Variants in PCNX2 observed in about 807,000 individuals in gnomAD.
PCNX2 encodes pecanex-like protein 2.
A neutral mutation model predicts 223.8 loss-of-function variants in PCNX2; 168 were observed. That is an observed-to-expected ratio of 0.75 (90% CI 0.66 to 0.85). The LOEUF (loss-of-function observed/expected upper bound fraction) is 0.85, where lower values mean the gene tolerates loss of function less well. Among genes scored for constraint, PCNX2 ranks in the 40% least tolerant of loss-of-function variants. The probability of loss-of-function intolerance (pLI) is 0.00; values close to 1 mark genes in which losing one functional copy is unlikely to be tolerated. For synonymous variants in PCNX2, 1,006 were observed against 1,052.6 expected (o/e 0.96, Z 0.86); for missense variants, 2,507 against 2,675.5 (o/e 0.94, Z 1.39).
chr1:232,985,739 G>C (rs147786863), intron 33 of PCNX2: 1 of 548,822 alleles, frequency 1.8e-6, no homozygotes, highest in Non-Finnish European at 3.2e-6. Flanking sequence ...CCTCAGGCCA[G>C]AATCATGTGA....
intron 1 of PCNX2, among the ~76,000 whole-genome samples, chr1:233,272,520 A>G (rs948167638): frequency 2.6e-5 from 4 of 152,206 alleles, no homozygotes; most frequent in African/African-American, 9.7e-5. Flanking sequence ...TGCAGTGAAA[A>G]GGGAACACTT....
intron 26 of PCNX2, chr1:233,019,250 C>T: frequency 1.0e-6 from 1 of 962,054 alleles, no homozygotes; most frequent in Non-Finnish European, 1.2e-6. Context: ...CTTTTGGACA[C>T]ACCTTCTATT....
Position 233,289,437 on chromosome 1 carries a change from G to A in PCNX2, c.153+5889C>T, listed in dbSNP as rs6699529. On this transcript the variant is annotated intron_variant, in intron 1 of 33. Coordinates refer to ENST00000258229, the MANE Select transcript of PCNX2 (RefSeq NM_014801.4). ...ATTAGGCTTCACGATCTTGGCGCTC[G>A]TACTGAACATGGCCTTCTCCTGGGA... 3,774 of 1,398,948 alleles carry A rather than the reference G, an allele frequency of 2.7e-3. 57 individuals carry two copies. The African/African-American group carries it at 0.033, about 12-fold the overall frequency. The allele number at this position is 1,398,948 out of a possible 1,614,324, so 86.7% of individuals were successfully genotyped here.
chr1:233,093,170 G>A (rs1048490807), intron 22 of PCNX2, among the ~76,000 whole-genome samples: 1 of 152,188 alleles, frequency 6.6e-6, no homozygotes, highest in Admixed American at 6.5e-5. Context: ...GTAGAAAGCA[G>A]CCCTCCCAAT....
chr1:232,986,537 C>A lies in PCNX2; in HGVS notation c.5795G>T (p.Arg1932Met). The change falls in exon 33 of 34, where the codon AGG becomes ATG. Residue 1932 changes from arginine to methionine, a missense_variant. Physicochemically the swap from Arg to Met is moderately conservative, Grantham distance 91 (BLOSUM62 -1). This residue lies in a region of PCNX2 where 1,372 missense variants were observed against 1,509.4 expected (regional missense o/e 0.91). Coordinates refer to ENST00000258229, the MANE Select transcript of PCNX2 (RefSeq NM_014801.4). ...SSCEGTQRTG[R>M]RKGRSQSVQA... is the part of the protein sequence containing the mutation. ...CACGGACTGGCTCCTGCCTTTCCTC[C>A]TGCCTTTAAAAGAAAGCAGAACACA... 2 of 1,520,880 alleles carry A rather than the reference C, an allele frequency of 1.3e-6. No homozygotes were observed. The highest frequency in any genetic ancestry group is 1.8e-4 in the Middle Eastern group (1 of 5,600). The allele number at this position is 1,520,880 out of a possible 1,614,324, so 94.2% of individuals were successfully genotyped here. A position where few individuals can be genotyped will look rare whatever the true frequency, so the allele number is the denominator to read the frequency against.
intron 25 of PCNX2, among the ~76,000 whole-genome samples, chr1:233,030,358 C>T (rs1277149522): frequency 1.3e-5 from 2 of 151,984 alleles, no homozygotes; most frequent in Non-Finnish European, 2.9e-5. Flanking sequence ...ATAGTATTAC[C>T]TGGTGGAAAC....
chr1:233,124,651 C>A (rs887870794), intron 21 of PCNX2, among the ~76,000 whole-genome samples: 18 of 152,290 alleles, frequency 1.2e-4, no homozygotes, highest in African/African-American at 4.3e-4. Flanking sequence ...CATGGTTTTC[C>A]TGGTTGGGAA....
In PCNX2 at chr1:233,252,349, C is replaced by G. The variant is rs1468112552; in HGVS notation, c.2128+5G>C. 2 of 1,601,844 alleles carry G rather than the reference C, an allele frequency of 1.2e-6. No individual in the cohort carries two copies. The highest frequency in any genetic ancestry group is 4.5e-5 in the East Asian group (2 of 44,652). On this transcript the variant is annotated splice_donor_5th_base_variant and intron_variant, in intron 7 of 33. Coordinates refer to ENST00000258229, the MANE Select transcript of PCNX2 (RefSeq NM_014801.4). The stretch of plus-strand genomic sequence containing the variant: ...GTTCATTAGTAAAGAGCTCCAAAGA[C>G]TCACCATGTTCATCAATGAAGACAT...
intron 19 of PCNX2, among the ~76,000 whole-genome samples, chr1:233,156,725 C>T (rs113736501): frequency 0.058 from 8,784 of 152,164 alleles, 500 homozygotes; most frequent in East Asian, 0.31. Flanking sequence ...CAAGACCAGA[C>T]TGGCCAACAT....
At chr1:233,257,515 A>G (rs1411459290) in intron 5 of PCNX2, among the ~76,000 whole-genome samples, 1 of 152,208 alleles carries the variant, frequency 6.6e-6, no homozygotes, top group African/African-American at 2.4e-5. Context: ...TAATACATGC[A>G]AAGTGCTTAG....
chr1:233,282,812 T>C (rs1284456197), intron 1 of PCNX2, among the ~76,000 whole-genome samples: 1 of 152,226 alleles, frequency 6.6e-6, no homozygotes, highest in African/African-American at 2.4e-5. Flanking sequence ...TTGTGAACTC[T>C]GTTAATGTTT....
chr1:233,014,182 G>A (rs1206580497), intron 28 of PCNX2, among the ~76,000 whole-genome samples: 5 of 152,190 alleles, frequency 3.3e-5, no homozygotes, highest in African/African-American at 9.7e-5. Flanking sequence ...AGACCCAGTA[G>A]AGAAAGGGTT....
chr1:233,277,920 C>G (rs1660997237), intron 1 of PCNX2, among the ~76,000 whole-genome samples: 1 of 152,114 alleles, frequency 6.6e-6, no homozygotes, highest in Non-Finnish European at 1.5e-5. Context: ...CAATGAATGA[C>G]TACTGAAAGA....
At chr1:233,197,096 G>A (rs898382090) in intron 15 of PCNX2, among the ~76,000 whole-genome samples, 5 of 152,114 alleles carry the variant, frequency 3.3e-5, no homozygotes, top group African/African-American at 7.2e-5. Context: ...GATGAATGGT[G>A]GCCAGAGGCT....
At chr1:233,289,098 G>C (rs989463108) in intron 1 of PCNX2, 27 of 962,006 alleles carry the variant, frequency 2.8e-5, no homozygotes, top group Non-Finnish European at 4.6e-5. Flanking sequence ...ATGGCTCCTG[G>C]GATGCTTTTG....
intron 20 of PCNX2, 107 bp from the exon 21 acceptor site, chr1:233,135,297 C>A (rs1676740477): frequency 1.6e-6 from 2 of 1,249,342 alleles, no homozygotes; most frequent in African/African-American, 1.5e-5. Context: ...AAGAACTTTA[C>A]AGGCACAAAA....
intron 23 of PCNX2, among the ~76,000 whole-genome samples, chr1:233,065,004 AT>A (rs953959604): frequency 9.2e-5 from 14 of 151,708 alleles, no homozygotes; most frequent in South Asian, 4.2e-4. Flanking sequence ...AAAAACTAAA[AT>A]TTTTTTTTCA....
At chr1:233,170,327 AT>A (rs921098066) in intron 17 of PCNX2, among the ~76,000 whole-genome samples, 55 of 152,070 alleles carry the variant, frequency 3.6e-4, no homozygotes, top group African/African-American at 1.3e-3. Context: ...AGAACTTTAC[AT>A]TTTTTTTAGT....
chr1:233,190,113 A>G (rs1680335538), intron 15 of PCNX2, among the ~76,000 whole-genome samples: 1 of 152,218 alleles, frequency 6.6e-6, no homozygotes, highest in Admixed American at 6.5e-5. Flanking sequence ...CACATATATC[A>G]TGACCCATAT....
Sources: gnomAD v4.1 joint callset for allele counts (sites outside exome capture counted in the v4.1 genomes callset) on GRCh38, gnomAD v4.1.1 for gene constraint, gnomAD v4.1.1 regional missense constraint, MANE v1.5 for transcripts, NCBI Gene and HGNC (gene_info 2026-07-23, HGNC 2026-07-21) for gene names.